GPC5: variants seen among roughly 807,000 people sequenced by gnomAD.
The protein encoded by GPC5 is glypican 5, also known as glypican-5.
A neutral mutation model predicts 53.9 loss-of-function variants in GPC5; 47 were observed. The ratio of observed to expected loss-of-function variants is 0.87; its 90% CI spans 0.69 to 1.11. The LOEUF is 1.11. Ranked by LOEUF, GPC5 falls within the 50% of genes most tolerant of loss-of-function variation. The probability of loss-of-function intolerance (pLI) is 0.00; values close to 1 mark genes in which losing one functional copy is unlikely to be tolerated. For synonymous variants in GPC5, 286 were observed against 263.3 expected (o/e 1.09, Z -0.84); for missense variants, 748 against 713.1 (o/e 1.05, Z -0.56).
chr13:92,595,996 C>G (rs1354362959), intron 7 of GPC5, among the ~76,000 whole-genome samples: 2 of 152,042 alleles, frequency 1.3e-5, no homozygotes, highest in Non-Finnish European at 2.9e-5. Flanking sequence ...TGTCACTGCT[C>G]TTATTTGCTA....
intron 1 of GPC5, among the ~76,000 whole-genome samples, chr13:91,405,110 CA>C (rs1278311309): frequency 1.3e-5 from 2 of 152,232 alleles, no homozygotes; most frequent in East Asian, 1.9e-4. Flanking sequence ...CATAAAGTCA[CA>C]TACATGGCTG....
At chr13:92,729,279 C>T (rs894910803) in intron 7 of GPC5, among the ~76,000 whole-genome samples, 1 of 151,222 alleles carries the variant, frequency 6.6e-6, no homozygotes, top group African/African-American at 2.4e-5. Flanking sequence ...ATCATCTTTC[C>T]TTTCATATCA....
chr13:92,240,738 A>C (rs2042606073), intron 7 of GPC5: 1 of 152,204 alleles, frequency 6.6e-6, no homozygotes, highest in Admixed American at 6.6e-5. Flanking sequence ...TCCTGACCTC[A>C]AGTGATCTCC....
At chr13:92,607,935 T>C (rs1020111084) in intron 7 of GPC5, among the ~76,000 whole-genome samples, 3 of 152,192 alleles carry the variant, frequency 2.0e-5, no homozygotes, top group African/African-American at 7.2e-5. Flanking sequence ...TTCAGCCTAA[T>C]CAACAAGAAG....
chr13:91,481,863 G>GA lies in GPC5; in HGVS notation c.325+32941_325+32942insA, dbSNP rs541705222. 7.9e-5 allele frequency among the ~76,000 whole-genome samples: 12 copies of GA among 152,236 alleles called. No homozygotes were observed. The East Asian group carries it at 2.3e-3, about 29-fold the overall frequency. On this transcript the variant is annotated intron_variant, in intron 2 of 7. Coordinates refer to ENST00000377067, the MANE Select transcript of GPC5 (RefSeq NM_004466.6). ...CCAAATGCCTGTTCTTCATTCTTCT[G>GA]TCAGGGCTTGTCATAAGCTTCATAT...
intron 3 of GPC5, among the ~76,000 whole-genome samples, chr13:91,725,745 G>A (rs1346502899): frequency 2.0e-5 from 3 of 152,120 alleles, no homozygotes; most frequent in African/African-American, 7.2e-5. Flanking sequence ...TCAATAAATA[G>A]CAGTTACAAT....
At chr13:92,176,787 C>T (rs1371484465) in intron 7 of GPC5, among the ~76,000 whole-genome samples, 1 of 152,138 alleles carries the variant, frequency 6.6e-6, no homozygotes, top group African/African-American at 2.4e-5. Context: ...TACTGATTTC[C>T]AGCACACTAC....
intron 7 of GPC5, among the ~76,000 whole-genome samples, chr13:92,386,545 T>A (rs1874734320): frequency 6.6e-6 from 1 of 152,060 alleles, no homozygotes; most frequent in Non-Finnish European, 1.5e-5. Flanking sequence ...ATTTTTAATA[T>A]ACCAATTGTG....
At chr13:91,514,588 A>C (rs932082955) in intron 2 of GPC5, among the ~76,000 whole-genome samples, 17 of 152,210 alleles carry the variant, frequency 1.1e-4, no homozygotes, top group Non-Finnish European at 2.4e-4. Context: ...AAAAACATCA[A>C]CAATTATAAA....
At chr13:91,443,053 G>GT (rs772214553) in intron 1 of GPC5, among the ~76,000 whole-genome samples, 2 of 152,060 alleles carry the variant, frequency 1.3e-5, no homozygotes, top group African/African-American at 2.4e-5. Context: ...ACAGTCCCAT[G>GT]GATTTAAGCA....
At chr13:92,303,339 GT>G (rs1027151162) in intron 7 of GPC5, among the ~76,000 whole-genome samples, 1 of 152,086 alleles carries the variant, frequency 6.6e-6, no homozygotes, top group African/African-American at 2.4e-5. Context: ...AACCAAAAAG[GT>G]TTAATGTTTA....
At chr13:91,858,682 G>T (rs1008966331) in intron 5 of GPC5, among the ~76,000 whole-genome samples, 2 of 151,866 alleles carry the variant, frequency 1.3e-5, no homozygotes, top group African/African-American at 2.4e-5. Context: ...GAACGAGTTT[G>T]GAAATACTCC....
At chr13:92,732,496 A>G (rs1366301873) in intron 7 of GPC5, among the ~76,000 whole-genome samples, 1 of 150,952 alleles carries the variant, frequency 6.6e-6, no homozygotes, top group Non-Finnish European at 1.5e-5. Context: ...ATTTGATTTG[A>G]TTATTTCTTC....
intron 7 of GPC5, among the ~76,000 whole-genome samples, chr13:92,843,544 G>T (rs1185004739): frequency 6.6e-6 from 1 of 152,140 alleles, no homozygotes; most frequent in East Asian, 1.9e-4. Flanking sequence ...GGTATTCTTA[G>T]AGAGAATCTT....
chr13:92,199,924 T>C (rs1377046240), intron 7 of GPC5, among the ~76,000 whole-genome samples: 1 of 152,182 alleles, frequency 6.6e-6, no homozygotes, highest in Non-Finnish European at 1.5e-5. Context: ...GCTTGCAATA[T>C]ACATTTTTTA....
At chr13:92,618,755 C>T (rs1353961840) in intron 7 of GPC5, among the ~76,000 whole-genome samples, 1 of 149,426 alleles carries the variant, frequency 6.7e-6, no homozygotes. Flanking sequence ...ATTAGATTGA[C>T]CACTAACATG....
chr13:91,981,415 A>G (rs970785207), intron 6 of GPC5, among the ~76,000 whole-genome samples: 3 of 151,382 alleles, frequency 2.0e-5, no homozygotes, highest in African/African-American at 4.8e-5. Flanking sequence ...TCAGCCTCCC[A>G]AGTAGCTGGG....
chr13:92,518,005 A>G (rs1461255364), intron 7 of GPC5, among the ~76,000 whole-genome samples: 1 of 152,232 alleles, frequency 6.6e-6, no homozygotes, highest in Non-Finnish European at 1.5e-5. Flanking sequence ...GCTGAAAACC[A>G]TGGCACGAGA....
chr13:91,821,752 A>G (rs2038499376), intron 5 of GPC5, among the ~76,000 whole-genome samples: 1 of 152,158 alleles, frequency 6.6e-6, no homozygotes, highest in Non-Finnish European at 1.5e-5. Flanking sequence ...CTAACTAATC[A>G]TCAAAACTCC....
Sources: gnomAD v4.1 joint callset for allele counts (sites outside exome capture counted in the v4.1 genomes callset) on GRCh38, gnomAD v4.1.1 for gene constraint, MANE v1.5 for transcripts, NCBI Gene and HGNC (gene_info 2026-07-23, HGNC 2026-07-21) for gene names.